The following ASTE1 variants were observed in gnomAD, a reference collection of about 807,000 sequenced individuals.
The protein encoded by ASTE1 is single-strand DNA endonuclease ASTE1.
ASTE1 carries 49 observed loss-of-function variants against 45.8 expected under a neutral mutation model. That is an observed-to-expected ratio of 1.07 (90% CI 0.85 to 1.36). The LOEUF is 1.36. Among genes scored for constraint, ASTE1 ranks in the 40% most tolerant of loss-of-function variants. The pLI is 0.00. For missense variants in ASTE1, 709 were observed against 804.0 expected (o/e 0.88, Z 1.43); for synonymous variants, 296 against 303.9 (o/e 0.97, Z 0.27).
chr3:131,022,675 C>T (rs1263558695), intron 3 of ASTE1, among the ~76,000 whole-genome samples: 1 of 152,134 alleles, frequency 6.6e-6, no homozygotes, highest in East Asian at 1.9e-4. Flanking sequence ...ACATTTTCTT[C>T]ACCCCCAACC....
chr3:131,016,156 G>A lies in ASTE1; in HGVS notation c.1697C>T (p.Pro566Leu). 6.2e-7 allele frequency: 1 copy of A among 1,613,876 alleles called. No individual in the cohort carries two copies. The highest frequency in any genetic ancestry group is 8.5e-7 in the Non-Finnish European group (1 of 1,180,010). Residue 566 changes from proline (P) to leucine (L), a missense_variant, in exon 5 of 6, where the codon CCA (proline) becomes CTA (leucine). Physicochemically the swap from Pro to Leu is moderately conservative, Grantham distance 98 (BLOSUM62 -3). Transcript: ENST00000264992. ...CCATGGTGCTTACCGAGTTAGGTCT[G>A]GCTCTGGGAGAGGAGTGGACAGCAG... ...NQLLSTPLPE[P>L]DLTRLYSGSL...
At chr3:131,021,600 T>A (rs2063743227) in intron 3 of ASTE1, among the ~76,000 whole-genome samples, 1 of 152,224 alleles carries the variant, frequency 6.6e-6, no homozygotes, top group African/African-American at 2.4e-5. Context: ...CATCTGGATC[T>A]TCTTTGCATG....
rs751833305 is a variant in ASTE1 at position 131,024,035 on chromosome 3, C to T, written c.1272G>A (p.Lys424=). Reference sequence around the variant, plus strand: ...TCAATCTGCTTAAGTCAGAATGATCCTTGGCCAGTTCTACTGCATCAATGA... The same window carrying T: ...TCAATCTGCTTAAGTCAGAATGATCTTTGGCCAGTTCTACTGCATCAATGA... ...TSIIDAVELA[K]DHSDLSRLTE... is the part of the protein sequence containing the mutation. Residue 424 remains lysine, a synonymous_variant, in exon 3 of 6, where the codon AAG becomes AAA. Transcript: ENST00000264992. The T allele has an allele frequency of 1.2e-6, 2 of 1,609,094 alleles. No homozygotes were observed. The highest frequency in any genetic ancestry group is 1.7e-6 in the Non-Finnish European group (2 of 1,176,308).
In ASTE1 at chr3:131,024,259, G is replaced by C; in HGVS notation, c.1048C>G (p.Arg350Gly). ...TCCACCTGTGTGGGAAGAATGGTCC[G>C]TCTTAGGACCAAAGCATCACTGATG... ...PFISDALVLR[R>G]TILPTQVENM... The change falls in exon 3 of 6, where the codon CGG (arginine) becomes GGG (glycine). Residue 350 changes from arginine to glycine, a missense_variant. Transcript: ENST00000264992. 6.2e-7 allele frequency: 1 copy of C among 1,614,190 alleles called. No individual in the cohort carries two copies. Among genetic ancestry groups the C allele is most frequent in the Non-Finnish European group, 8.5e-7 (1 of 1,180,030 alleles).
chr3:131,016,677 A>G, intron 4 of ASTE1: 1 of 344,648 alleles, frequency 2.9e-6, no homozygotes, highest in South Asian at 2.7e-5. Context: ...AATGACTATT[A>G]AATATTATTC....
intron 3 of ASTE1, 112 bp downstream of exon 3, chr3:131,023,892 AG>A: frequency 2.7e-6 from 3 of 1,117,664 alleles, no homozygotes; most frequent in Non-Finnish European, 3.7e-6. Flanking sequence ...CATGAGGGCA[AG>A]ATAGCACTCA....
At chr3:131,018,418 C>G in intron 4 of ASTE1, 88 bp downstream of exon 4, 1 of 1,317,302 alleles carries the variant, frequency 7.6e-7, no homozygotes, top group Non-Finnish European at 1.1e-6. Context: ...GTAAATAATC[C>G]AAGAATACTT....
chr3:131,016,054 T>TTA (rs1560056173), intron 5 of ASTE1, 90 bp downstream of exon 5: 1 of 1,486,042 alleles, frequency 6.7e-7, no homozygotes, highest in Non-Finnish European at 9.1e-7. Context: ...TTTTTTTTTT[T>TTA]AAGTAACTTT....
Position 131,014,268 on chromosome 3 carries a change from G to T in ASTE1, c.1829C>A (p.Ala610Asp). 1 of 1,614,006 alleles carries T rather than the reference G, an allele frequency of 6.2e-7. No homozygotes were observed. Among genetic ancestry groups the T allele is most frequent in the South Asian group, 1.1e-5 (1 of 91,068 alleles). ...TTCAGCGGGGGCATATGACCTTGTG[G>T]CATTGAATAGATATTCATAAAGTTG... Reference protein sequence around the residue: ...AKQLYEYLFNATRSYAPAEIF... With the variant: ...AKQLYEYLFNDTRSYAPAEIF... Residue 610 changes from alanine (A) to aspartate (D), a missense_variant, in exon 6 of 6, where the codon GCC (alanine) becomes GAC (aspartate). Coordinates refer to ENST00000264992, the MANE Select transcript of ASTE1 (RefSeq NM_014065.4).
rs1224791678 is a variant in ASTE1 at position 131,014,289 on chromosome 3, A to T, written c.1808T>A (p.Leu603His). 3.1e-6 allele frequency: 5 copies of T among 1,614,096 alleles called. No individual in the cohort carries two copies. The highest frequency in any genetic ancestry group is 4.2e-6 in the Non-Finnish European group (5 of 1,180,014). Residue 603 changes from leucine (L) to histidine (H), a missense_variant, in exon 6 of 6, where the codon CTT (leucine) becomes CAT (histidine). Coordinates refer to ENST00000264992, the MANE Select transcript of ASTE1 (RefSeq NM_014065.4). Reference sequence around the variant, plus strand: ...TGTGGCATTGAATAGATATTCATAAAGTTGCTTAGCCTCAGGACATATGCT... The same window carrying T: ...TGTGGCATTGAATAGATATTCATAATGTTGCTTAGCCTCAGGACATATGCT... ...LLSICPEAKQ[L>H]YEYLFNATRS...
Position 131,025,182 on chromosome 3 carries a change from C to CTGAA in ASTE1, c.121_124dup (p.Ser42IlefsTer14). 1 of 1,614,214 alleles carries CTGAA rather than the reference C, an allele frequency of 6.2e-7. No individual in the cohort carries two copies. The highest frequency in any genetic ancestry group is 8.5e-7 in the Non-Finnish European group (1 of 1,180,032). Reference sequence around the variant, plus strand: ...TCCATACCGGAGATCCAAGTTTGAACTGAAGCAAAGACGGTGGAAAAGAGC... The same window carrying CTGAA: ...TCCATACCGGAGATCCAAGTTTGAACTGAATGAAGCAAAGACGGTGGAAAAGAGC... On this transcript the variant is annotated frameshift_variant, in exon 3 of 6. Transcript: ENST00000264992. LOFTEE classifies it high-confidence loss of function.
chr3:131,016,432 G>A (rs867834225), intron 4 of ASTE1, 93 bp from the exon 5 acceptor site: 99 of 1,386,554 alleles, frequency 7.1e-5, no homozygotes, highest in African/African-American at 5.1e-4. Flanking sequence ...TATAAAGAAA[G>A]AAATTAATTT....
At chr3:131,025,440 ATAG>A in intron 2 of ASTE1, 31 bp downstream of exon 2, 1 of 1,355,454 alleles carries the variant, frequency 7.4e-7, no homozygotes, top group Non-Finnish European at 9.8e-7. Context: ...TGCTCTTTAG[ATAG>A]AACATAGATA....
intron 4 of ASTE1, chr3:131,016,734 G>A (rs2063646805): frequency 3.1e-6 from 1 of 325,788 alleles, no homozygotes; most frequent in South Asian, 2.6e-5. Flanking sequence ...TGGTGCATTT[G>A]TGTTAAAGAA....
Position 131,024,582 on chromosome 3 carries a change from GGAA to G in ASTE1, c.722_724del (p.Leu241del). On this transcript the variant is annotated inframe_deletion, in exon 3 of 6. Coordinates refer to ENST00000264992, the MANE Select transcript of ASTE1 (RefSeq NM_014065.4). ...CCCTTTAGAACTGGTAGCTCCAAGAGGAAGACGCGCTTTACTTAAGAATGTCTC... is the reference window on the plus strand; with the variant it reads ...CCCTTTAGAACTGGTAGCTCCAAGAGGACGCGCTTTACTTAAGAATGTCTC... 6.2e-7 allele frequency: 1 copy of G among 1,613,358 alleles called. No individual in the cohort carries two copies. The highest frequency in any genetic ancestry group is 8.5e-7 in the Non-Finnish European group (1 of 1,179,682).
chr3:131,015,273 A>C (rs1221942150), intron 5 of ASTE1: 1 of 698,786 alleles, frequency 1.4e-6, no homozygotes, highest in Admixed American at 2.0e-5. Context: ...CAGCAAATAA[A>C]ATAGACAAGC....
intron 3 of ASTE1, among the ~76,000 whole-genome samples, chr3:131,019,216 AAACGTTGCTTT>A (rs1345835412): frequency 6.6e-6 from 1 of 152,226 alleles, no homozygotes; most frequent in Non-Finnish European, 1.5e-5. Context: ...TCCAGAAGAC[AAACGTTGCTTT>A]TAGGAACCCT....
At chr3:131,016,452 A>G (rs2063638327) in intron 4 of ASTE1, 113 bp from the exon 5 acceptor site, 2 of 1,217,220 alleles carry the variant, frequency 1.6e-6, no homozygotes, top group Non-Finnish European at 2.3e-6. Flanking sequence ...TAAAAAAACT[A>G]AGATGTTTTT....
chr3:131,018,897 A>G (rs1259666562), intron 3 of ASTE1, among the ~76,000 whole-genome samples, 181 bp from the exon 4 acceptor site: 1 of 152,204 alleles, frequency 6.6e-6, no homozygotes. Context: ...AAGATGCTTT[A>G]TAAATATGGT....
Sources: gnomAD v4.1 joint callset for allele counts (sites outside exome capture counted in the v4.1 genomes callset) on GRCh38, gnomAD v4.1.1 for gene constraint, MANE v1.5 for transcripts, NCBI Gene and HGNC (gene_info 2026-07-23, HGNC 2026-07-21) for gene names.